The following ASAP2 variants were observed in gnomAD, a reference collection of about 807,000 sequenced individuals.
The protein encoded by ASAP2 is ArfGAP with SH3 domain, ankyrin repeat and PH domain 2.
ASAP2 carries 45 observed loss-of-function variants against 131.4 expected under a neutral mutation model. That is an observed-to-expected ratio of 0.34 (90% CI 0.27 to 0.44). The LOEUF is 0.44. Among genes scored for constraint, ASAP2 ranks in the 20% least tolerant of loss-of-function variants. The probability of loss-of-function intolerance (pLI) is 1.00; values close to 1 mark genes in which losing one functional copy is unlikely to be tolerated. For missense variants in ASAP2, 1,011 were observed against 1,297.0 expected (o/e 0.78, Z 3.39); for synonymous variants, 510 against 503.0 (o/e 1.01, Z -0.19).
chr2:9,321,082 T>G (rs1234507731), intron 5 of ASAP2, among the ~76,000 whole-genome samples: 1 of 152,230 alleles, frequency 6.6e-6, no homozygotes, highest in Non-Finnish European at 1.5e-5. Flanking sequence ...ATGTGGTGTT[T>G]ACTTTGTAAT....
rs146859037 is a variant in ASAP2 at position 9,295,311 on chromosome 2, C to T, written c.200-1989C>T. Among the ~76,000 whole-genome samples the T allele has an allele frequency of 1.0e-3, 154 of 152,218 alleles. 1 individual carries two copies. Among genetic ancestry groups the T allele is most frequent in the African/African-American group, 3.2e-3 (132 of 41,532 alleles). ...GATGAATTATTTGATCTCTTTGAGC[C>T]CTAATTGCCTAATAGTGTTATGAGA... On this transcript the variant is annotated intron_variant, in intron 2 of 27. Coordinates refer to ENST00000281419, the MANE Select transcript of ASAP2 (RefSeq NM_003887.3).
At chr2:9,397,741 T>G (rs1199397610) in intron 24 of ASAP2, among the ~76,000 whole-genome samples, 17 of 93,456 alleles carry the variant, frequency 1.8e-4, no homozygotes, top group African/African-American at 1.3e-3. Flanking sequence ...TATATATATA[T>G]ATATATATAT....
At chr2:9,224,895 C>T (rs1662657168) in intron 1 of ASAP2, among the ~76,000 whole-genome samples, 1 of 152,176 alleles carries the variant, frequency 6.6e-6, no homozygotes, top group African/African-American at 2.4e-5. Context: ...CTGTCAGGCT[C>T]CTTGCATGCT....
In ASAP2 at chr2:9,335,704, G is replaced by A. The variant is rs188091402; in HGVS notation, c.849+525G>A. 2.6e-5 allele frequency among the ~76,000 whole-genome samples: 4 copies of A among 152,250 alleles called. No individual in the cohort carries two copies. The East Asian group carries it at 7.7e-4, about 29-fold the overall frequency. ...TTACTTCCCCTCTTTCTGTAATGAC[G>A]TCTCTGTGTGCTAACACGTCAGCAG... is the stretch of plus-strand genomic sequence containing the variant. On this transcript the variant is annotated intron_variant, in intron 9 of 27. Transcript: ENST00000281419.
intron 3 of ASAP2, 87 bp downstream of exon 3, chr2:9,297,532 T>G: frequency 2.0e-6 from 3 of 1,486,094 alleles, no homozygotes; most frequent in Non-Finnish European, 2.8e-6. Flanking sequence ...TTTGATAAAC[T>G]AGGAATGCAT....
intron 9 of ASAP2, among the ~76,000 whole-genome samples, chr2:9,339,478 C>T (rs1223832400): frequency 6.6e-6 from 1 of 151,956 alleles, no homozygotes; most frequent in Non-Finnish European, 1.5e-5. Context: ...AGAGCACTTA[C>T]CATATTATCT....
At chr2:9,266,168 A>C (rs1665933005) in intron 1 of ASAP2, among the ~76,000 whole-genome samples, 1 of 107,776 alleles carries the variant, frequency 9.3e-6, no homozygotes, top group African/African-American at 4.2e-5. Context: ...TTTTTTGGAC[A>C]CAGGATCTCA....
chr2:9,275,418 C>G (rs2148286222), intron 1 of ASAP2, among the ~76,000 whole-genome samples: 2 of 152,296 alleles, frequency 1.3e-5, no homozygotes, highest in South Asian at 2.1e-4. Context: ...CCTGTAGACA[C>G]AAGATCACTC....
rs1263552102 is a variant in ASAP2, at chr2:9,375,023, T to C, written c.1746+79T>C. On this transcript the variant is annotated intron_variant, in intron 17 of 27. Transcript: ENST00000281419. ...GGCTCATGCCTGGGATCCAGTACTT[T>C]ACTTCAGGAGGCCAAGGCGGAGGAT... 7 of 1,365,488 alleles carry C rather than the reference T, an allele frequency of 5.1e-6. No individual in the cohort carries two copies. The African/African-American group carries it at 1.1e-4, about 21-fold the overall frequency. The allele number at this position is 1,365,488 out of a possible 1,614,324, so 84.6% of individuals were successfully genotyped here.
At chr2:9,298,321 G>T (rs977820491) in intron 3 of ASAP2, among the ~76,000 whole-genome samples, 2 of 152,306 alleles carry the variant, frequency 1.3e-5, no homozygotes, top group East Asian at 3.9e-4. Flanking sequence ...GTGGTTTTGG[G>T]AGACCGGCCT....
chr2:9,377,123 AC>A, intron 18 of ASAP2, 130 bp downstream of exon 18: 1 of 792,842 alleles, frequency 1.3e-6, no homozygotes, highest in Non-Finnish European at 2.0e-6. Context: ...TGAATTAAAG[AC>A]AGAAAAAGGA....
At chr2:9,249,799 A>T (rs1265914419) in intron 1 of ASAP2, among the ~76,000 whole-genome samples, 4 of 152,208 alleles carry the variant, frequency 2.6e-5, no homozygotes, top group African/African-American at 9.6e-5. Context: ...GTGTGGGGAT[A>T]CTGCAGAGGA....
At chr2:9,368,349 A>C (rs957276374) in intron 15 of ASAP2, 76 bp from the exon 16 acceptor site, 1 of 1,309,224 alleles carries the variant, frequency 7.6e-7, no homozygotes, top group Non-Finnish European at 1.1e-6. Context: ...ATAAATCATC[A>C]GATGGGGATG....
chr2:9,226,033 T>A (rs909912790), intron 1 of ASAP2, among the ~76,000 whole-genome samples: 1 of 152,136 alleles, frequency 6.6e-6, no homozygotes, highest in African/African-American at 2.4e-5. Context: ...AGGGAGGAGA[T>A]GACATTGGAT....
In ASAP2 at chr2:9,388,550, T is replaced by C; in HGVS notation, c.2383+4T>C. The C allele has an allele frequency of 3.7e-6, 6 of 1,611,438 alleles. No homozygotes were observed. The highest frequency in any genetic ancestry group is 3.3e-4 in the Middle Eastern group (2 of 6,036). On this transcript the variant is annotated splice_donor_region_variant and intron_variant, in intron 22 of 27. Transcript: ENST00000281419. Reference sequence around the variant, plus strand: ...CCTCCACGGAATGTTGGCAAAGGTATGAAGCTGTCCGTCATCCCTGTGAAT... The same window carrying C: ...CCTCCACGGAATGTTGGCAAAGGTACGAAGCTGTCCGTCATCCCTGTGAAT...
At chr2:9,378,876 G>C in intron 18 of ASAP2, 68 bp from the exon 19 acceptor site, 1 of 1,173,036 alleles carries the variant, frequency 8.5e-7, no homozygotes, top group South Asian at 3.0e-5. Context: ...CAGGCTCCCT[G>C]CCGGGCAGTC....
chr2:9,279,191 T>C (rs1483093469), intron 1 of ASAP2, 126 bp from the exon 2 acceptor site: 11 of 832,226 alleles, frequency 1.3e-5, no homozygotes, highest in Non-Finnish European at 2.2e-5. Flanking sequence ...CAGAGGAGGC[T>C]TGTCTCCCAG....
At chr2:9,312,904 AT>A (rs1474404074) in intron 3 of ASAP2, among the ~76,000 whole-genome samples, 1 of 152,196 alleles carries the variant, frequency 6.6e-6, no homozygotes, top group East Asian at 1.9e-4. Flanking sequence ...TAATACAAAA[AT>A]TAGCTGGGCA....
chr2:9,374,708 G>A (rs1218903271), intron 16 of ASAP2, 47 bp from the exon 17 acceptor site: 7 of 1,525,078 alleles, frequency 4.6e-6, no homozygotes, highest in East Asian at 2.3e-5. Flanking sequence ...GCCGGACGGC[G>A]GGTAGAAGCC....
Sources: allele counts gnomAD v4.1 joint callset (sites outside exome capture counted in the v4.1 genomes callset), GRCh38; gene constraint gnomAD v4.1.1; transcripts MANE v1.5; gene names NCBI Gene and HGNC (gene_info 2026-07-23, HGNC 2026-07-21).